Variants in CTNNA2 observed in about 807,000 individuals in gnomAD.
CTNNA2 encodes catenin alpha 2.
CTNNA2 carries 42 observed loss-of-function variants against 101.0 expected under a neutral mutation model. The ratio of observed to expected loss-of-function variants is 0.42; its 90% CI spans 0.32 to 0.54. The LOEUF (loss-of-function observed/expected upper bound fraction) is 0.54. CTNNA2 is among the 20% of genes least tolerant of loss of function. The pLI is 0.14. For synonymous variants in CTNNA2, 450 were observed against 456.4 expected (o/e 0.99, Z 0.18); for missense variants, 871 against 1,223.1 (o/e 0.71, Z 4.29).
At chr2:79,940,622 C>T (rs1198117953) in intron 7 of CTNNA2, among the ~76,000 whole-genome samples, 1 of 152,176 alleles carries the variant, frequency 6.6e-6, no homozygotes, top group Non-Finnish European at 1.5e-5. Flanking sequence ...CTGTCAGCAA[C>T]CTCTCTTTCT....
chr2:79,458,301 A>C (rs1242898619), intron 4 of CTNNA2, among the ~76,000 whole-genome samples: 2 of 152,234 alleles, frequency 1.3e-5, no homozygotes, highest in Non-Finnish European at 2.9e-5. Flanking sequence ...TATAAGAGTC[A>C]TGAAGCCTTC....
At chr2:79,922,541 G>A (rs763456791) in intron 7 of CTNNA2, among the ~76,000 whole-genome samples, 18 of 150,920 alleles carry the variant, frequency 1.2e-4, no homozygotes, top group Admixed American at 1.1e-3. Context: ...TTTTTCCACC[G>A]CTGCCCTAAT....
intron 12 of CTNNA2, among the ~76,000 whole-genome samples, chr2:80,568,931 G>T (rs955937576): frequency 6.6e-6 from 1 of 152,140 alleles, no homozygotes; most frequent in African/African-American, 2.4e-5. Context: ...TTTGTTTCTT[G>T]ATAAAGAGGT....
chr2:80,608,448 T>A, intron 17 of CTNNA2, 130 bp downstream of exon 17: 1 of 892,050 alleles, frequency 1.1e-6, no homozygotes. Context: ...TTTAAATAAA[T>A]GTTATCACCA....
intron 1 of CTNNA2, chr2:79,547,523 C>G (rs1028844719): frequency 6.6e-6 from 1 of 152,324 alleles, no homozygotes; most frequent in African/African-American, 2.4e-5. Flanking sequence ...GAAAATGTGA[C>G]AGCTTCAACT....
intron 7 of CTNNA2, among the ~76,000 whole-genome samples, chr2:79,919,528 G>C (rs930547856): frequency 5.9e-5 from 9 of 152,162 alleles, no homozygotes; most frequent in Non-Finnish European, 1.2e-4. Flanking sequence ...TGACAGAGCT[G>C]ACAGCCAAGT....
intron 2 of CTNNA2, among the ~76,000 whole-genome samples, chr2:79,238,131 CTCTT>C (rs1674580315): frequency 6.6e-6 from 1 of 152,172 alleles, no homozygotes; most frequent in Non-Finnish European, 1.5e-5. Context: ...AAATCTGTGA[CTCTT>C]CCTTTCATCT....
intron 2 of CTNNA2, among the ~76,000 whole-genome samples, chr2:79,218,925 C>G (rs551668896): frequency 6.6e-6 from 1 of 152,124 alleles, no homozygotes; most frequent in East Asian, 1.9e-4. Flanking sequence ...AAGGAAAGTT[C>G]TAAAAGGAAA....
At chr2:80,298,787 T>G (rs574600039) in intron 7 of CTNNA2, 3 of 152,326 alleles carry the variant, frequency 2.0e-5, no homozygotes, top group African/African-American at 7.2e-5. Context: ...ACCTTTCCTT[T>G]GCGATGGTAA....
chr2:80,146,683 G>T (rs1438819004), intron 7 of CTNNA2, among the ~76,000 whole-genome samples: 4 of 100,158 alleles, frequency 4.0e-5, no homozygotes, highest in African/African-American at 6.6e-5. Context: ...TTATACTATC[G>T]TTTTCTGAAG....
At chr2:79,482,802 G>T (rs577381552) in intron 4 of CTNNA2, among the ~76,000 whole-genome samples, 1 of 152,204 alleles carries the variant, frequency 6.6e-6, no homozygotes, top group Non-Finnish European at 1.5e-5. Flanking sequence ...TAGAATAGTG[G>T]TTCTCAGACA....
intron 2 of CTNNA2, among the ~76,000 whole-genome samples, chr2:79,304,748 C>A (rs1676193229): frequency 1.3e-5 from 2 of 152,024 alleles, no homozygotes; most frequent in South Asian, 4.1e-4. Flanking sequence ...TGGGAGTAAA[C>A]TTTGGGTAAC....
chr2:79,498,611 G>T (rs1186890937), intron 4 of CTNNA2, among the ~76,000 whole-genome samples: 1 of 151,906 alleles, frequency 6.6e-6, no homozygotes, highest in Non-Finnish European at 1.5e-5. Flanking sequence ...AAACCCTTAG[G>T]TACAAGGACA....
chr2:80,267,914 G>C lies in CTNNA2; in HGVS notation c.1057-125297G>C, dbSNP rs377138815. Among the ~76,000 whole-genome samples, 18 of 152,336 alleles carry C rather than the reference G, an allele frequency of 1.2e-4. No homozygotes were observed. In the South Asian group the frequency reaches 3.7e-3, roughly 32 times the overall value. Reference sequence around the variant, plus strand: ...GAATTTACCAGAGGAGGCTGCCTTAGTCCTAAAGATGTCTTCCTTTCTGCT... The same window carrying C: ...GAATTTACCAGAGGAGGCTGCCTTACTCCTAAAGATGTCTTCCTTTCTGCT... On this transcript the variant is annotated intron_variant, in intron 7 of 18. Coordinates refer to ENST00000402739, the MANE Select transcript of CTNNA2 (RefSeq NM_001282597.3).
At chr2:79,316,956 C>T (rs1177595462) in intron 3 of CTNNA2, among the ~76,000 whole-genome samples, 7 of 151,910 alleles carry the variant, frequency 4.6e-5, no homozygotes, top group Non-Finnish European at 7.4e-5. Flanking sequence ...AAAAAGCAGA[C>T]GTTCATGTCT....
intron 5 of CTNNA2, among the ~76,000 whole-genome samples, chr2:79,507,779 T>C (rs926728406): frequency 6.6e-6 from 1 of 152,196 alleles, no homozygotes; most frequent in African/African-American, 2.4e-5. Flanking sequence ...CCACGAGATA[T>C]ATTTTGTGAG....
intron 3 of CTNNA2, among the ~76,000 whole-genome samples, chr2:79,773,440 G>A (rs139690680): frequency 4.8e-4 from 73 of 152,252 alleles, no homozygotes; most frequent in African/African-American, 1.7e-3. Context: ...GAAATATGGG[G>A]ACAGCTCGAA....
chr2:80,368,821 G>GTA (rs201429041), intron 7 of CTNNA2, among the ~76,000 whole-genome samples: 1,503 of 148,212 alleles, frequency 0.01, 28 homozygotes, highest in Middle Eastern at 0.038. Flanking sequence ...AACAGTATGT[G>GTA]TATATATATA....
chr2:79,831,455 A>C (rs2105427864), intron 3 of CTNNA2, among the ~76,000 whole-genome samples: 1 of 151,908 alleles, frequency 6.6e-6, no homozygotes, highest in East Asian at 1.9e-4. Flanking sequence ...CTTTTCAAAT[A>C]CTTTTTTTTT....
Sources: allele counts gnomAD v4.1 joint callset (sites outside exome capture counted in the v4.1 genomes callset), GRCh38; gene constraint gnomAD v4.1.1; transcripts MANE v1.5; gene names NCBI Gene and HGNC (gene_info 2026-07-23, HGNC 2026-07-21).